MTMR1: variants seen among roughly 807,000 people sequenced by gnomAD.
MTMR1 encodes myotubularin related protein 1.
MTMR1 carries 17 observed loss-of-function variants against 51.6 expected under a neutral mutation model. The observed-to-expected ratio is 0.33, with a 90% CI of 0.23 to 0.49. The LOEUF (loss-of-function observed/expected upper bound fraction) is 0.49, where lower values mean the gene tolerates loss of function less well. Ranked by LOEUF, MTMR1 falls within the 20% of genes least tolerant of loss-of-function variation. The pLI is 0.99. For missense variants in MTMR1, 386 were observed against 526.9 expected (o/e 0.73, Z 2.62); for synonymous variants, 201 against 205.6 (o/e 0.98, Z 0.19).
intron 12 of MTMR1, among the ~76,000 whole-genome samples, chrX:150,741,029 C>T (rs1393647819): frequency 8.9e-6 from 1 of 111,969 alleles, no homozygotes; most frequent in South Asian, 3.7e-4. Flanking sequence ...AATTTCAACA[C>T]GAGGTTTAGG....
chrX:150,700,774 G>A (rs1394637583), intron 2 of MTMR1, among the ~76,000 whole-genome samples: 1 of 112,553 alleles, frequency 8.9e-6, no homozygotes, highest in East Asian at 2.8e-4. Context: ...TTTCTTTATG[G>A]ACAATTATGA....
At chrX:150,702,824 A>C (rs2040964531) in intron 2 of MTMR1, among the ~76,000 whole-genome samples, 1 of 112,057 alleles carries the variant, frequency 8.9e-6, no homozygotes, top group Non-Finnish European at 1.9e-5. Flanking sequence ...TGAAATGGCA[A>C]GTTTGGCAAG....
chrX:150,715,527 A>C (rs1221980936), intron 3 of MTMR1, among the ~76,000 whole-genome samples: 1 of 112,522 alleles, frequency 8.9e-6, no homozygotes, highest in Non-Finnish European at 1.9e-5. Context: ...ATCAAGGGTC[A>C]AATCATGTCC....
chrX:150,720,843 A>C (rs2041723028), intron 4 of MTMR1, among the ~76,000 whole-genome samples: 1 of 111,877 alleles, frequency 8.9e-6, no homozygotes, highest in Admixed American at 9.5e-5. Context: ...AATGTTAAAG[A>C]GAAGAAGTGA....
In MTMR1 at chrX:150,762,564, G is replaced by C; in HGVS notation, c.1858-1G>C. 8.2e-7 allele frequency: 1 copy of C among 1,212,175 alleles called. No individual in the cohort carries two copies. The highest frequency in any genetic ancestry group is 1.1e-6 in the Non-Finnish European group (1 of 895,565). On this transcript the variant is annotated splice_acceptor_variant, in intron 15 of 15. Coordinates refer to ENST00000445323, the MANE Select transcript of MTMR1 (RefSeq NM_001306144.3). LOFTEE classifies it high-confidence loss of function. ...TGCAGCTTTGTCTCTGCTCCCTCCA[G>C]ATGCCCATTCACCAGAATCTCAAGG...
At chrX:150,695,728 G>A (rs1311149527) in intron 1 of MTMR1, among the ~76,000 whole-genome samples, 2 of 111,990 alleles carry the variant, frequency 1.8e-5, no homozygotes, top group Non-Finnish European at 3.8e-5. Context: ...ATCTGAGCCT[G>A]GAGTTCAGGG....
chrX:150,717,464 C>A (rs2041578721), intron 3 of MTMR1, among the ~76,000 whole-genome samples: 1 of 109,586 alleles, frequency 9.1e-6, no homozygotes, highest in African/African-American at 3.3e-5. Flanking sequence ...TTTTTTAAGA[C>A]CTATTCACAT....
Position 150,752,179 on chromosome X carries a change from A to G in MTMR1, c.1680+1336A>G, listed in dbSNP as rs140877385. 2.2e-3 allele frequency among the ~76,000 whole-genome samples: 247 copies of G among 110,585 alleles called. 3 individuals are homozygous for G. Among genetic ancestry groups the G allele is most frequent in the Middle Eastern group, 0.019 (4 of 215 alleles). Reference sequence around the variant, plus strand: ...GTGATCTGCCCGTCTCAGCCTCCCAAAGTGCTAGGATTATTGGCCCAAAGT... The same window carrying G: ...GTGATCTGCCCGTCTCAGCCTCCCAGAGTGCTAGGATTATTGGCCCAAAGT... On this transcript the variant is annotated intron_variant, in intron 14 of 15. Transcript: ENST00000445323.
chrX:150,757,037 G>T (rs1179673539), intron 15 of MTMR1, among the ~76,000 whole-genome samples: 1 of 112,291 alleles, frequency 8.9e-6, no homozygotes, highest in Non-Finnish European at 1.9e-5. Flanking sequence ...TAATAGCATT[G>T]CTCTGTCAGC....
chrX:150,696,884 A>G (rs2040696644), intron 1 of MTMR1, among the ~76,000 whole-genome samples: 1 of 111,768 alleles, frequency 8.9e-6, no homozygotes. Flanking sequence ...CTCACCTACA[A>G]GTGGGAGCAG....
intron 4 of MTMR1, 149 bp downstream of exon 4, chrX:150,718,849 T>A: frequency 4.0e-6 from 2 of 504,423 alleles, no homozygotes; most frequent in Non-Finnish European, 3.1e-6. Flanking sequence ...CTCATTAGTG[T>A]CATCATGACC....
chrX:150,708,984 A>C (rs5925409), intron 2 of MTMR1, among the ~76,000 whole-genome samples: 45,353 of 110,065 alleles, frequency 0.41, 7,196 homozygotes, highest in South Asian at 0.59. Flanking sequence ...TCAGTTTGGC[A>C]GATGTTTTCT....
intron 3 of MTMR1, chrX:150,712,920 T>G: frequency 2.2e-6 from 2 of 925,178 alleles, no homozygotes; most frequent in Non-Finnish European, 2.8e-6. Context: ...ATTTTCCTCA[T>G]GATTTTCCTT....
intron 3 of MTMR1, among the ~76,000 whole-genome samples, chrX:150,717,032 G>A (rs1388944972): frequency 4.5e-5 from 5 of 111,110 alleles, no homozygotes; most frequent in Non-Finnish European, 7.5e-5. Flanking sequence ...TGCGGATTCG[G>A]TGTGCATTGA....
chrX:150,693,463 C>T lies in MTMR1; in HGVS notation c.-68C>T. 7 of 759,168 alleles carry T rather than the reference C, an allele frequency of 9.2e-6. No homozygotes were observed. The highest frequency in any genetic ancestry group is 1.1e-5 in the Non-Finnish European group (7 of 642,687). 62.6% of individuals were successfully genotyped at this position (759,168 alleles called of 1,213,427 possible). ...AGAGCGGGCGGCAGGAGGCAAGCAGCGAAACCTTCCCGGCCGCCGCTCCCG... is the reference window on the plus strand; with the variant it reads ...AGAGCGGGCGGCAGGAGGCAAGCAGTGAAACCTTCCCGGCCGCCGCTCCCG... On this transcript the variant is annotated 5_prime_UTR_variant, in exon 1 of 16. Coordinates refer to ENST00000445323, the MANE Select transcript of MTMR1 (RefSeq NM_001306144.3).
At chrX:150,737,477 G>T in intron 12 of MTMR1, 29 bp downstream of exon 12, 1 of 1,167,457 alleles carries the variant, frequency 8.6e-7, no homozygotes, top group Non-Finnish European at 1.2e-6. Context: ...GTTTATGCTG[G>T]ACTGTTTTGC....
intron 2 of MTMR1, among the ~76,000 whole-genome samples, chrX:150,703,568 G>A (rs1175496548): frequency 8.9e-6 from 1 of 112,196 alleles, no homozygotes; most frequent in Non-Finnish European, 1.9e-5. Context: ...CTTATACTAA[G>A]TTTAATCATT....
rs782486376 is a variant in MTMR1 at position 150,747,940 on chromosome X, G to A, written c.1567-2790G>A. Among the ~76,000 whole-genome samples the A allele has an allele frequency of 2.7e-5, 3 of 111,901 alleles. 1 individual carries two copies. The South Asian group carries it at 1.1e-3, about 42-fold the overall frequency. ...TGTAACAAAATATCATAAATGAGGT[G>A]GTTTATAAACAACAGAAATTCTTTC... is the stretch of plus-strand genomic sequence containing the variant. On this transcript the variant is annotated intron_variant, in intron 13 of 15. Coordinates refer to ENST00000445323, the MANE Select transcript of MTMR1 (RefSeq NM_001306144.3).
In MTMR1 at chrX:150,764,418, T is replaced by TAACA. The variant is rs1193465843; in HGVS notation, c.*1690_*1693dup. 1 of 112,483 alleles carries TAACA rather than the reference T, an allele frequency of 8.9e-6. No individual in the cohort carries two copies. The highest frequency in any genetic ancestry group is 3.2e-5 in the African/African-American group (1 of 30,904). The allele number at this position is 112,483 out of a possible 1,213,427, so 9.3% of individuals were successfully genotyped here. A position where few individuals can be genotyped will look rare whatever the true frequency, so the allele number is the denominator to read the frequency against. On this transcript the variant is annotated 3_prime_UTR_variant, in exon 16 of 16. Transcript: ENST00000445323. ...TGTTCAACAATAGCTTTTATGTTCC[T>TAACA]AACATATCTGAAAGCTTATTTATGA...
Sources: gnomAD v4.1 joint callset for allele counts (sites outside exome capture counted in the v4.1 genomes callset) on GRCh38, gnomAD v4.1.1 for gene constraint, MANE v1.5 for transcripts, NCBI Gene and HGNC (gene_info 2026-07-23, HGNC 2026-07-21) for gene names.